KIF24: variants seen among roughly 807,000 people sequenced by gnomAD.
The protein encoded by KIF24 is kinesin family member 24.
KIF24 carries 81 observed loss-of-function variants against 118.9 expected under a neutral mutation model. That is an observed-to-expected ratio of 0.68 (90% CI 0.57 to 0.82). KIF24 has a LOEUF of 0.82. Ranked by LOEUF, KIF24 falls within the 40% of genes least tolerant of loss-of-function variation. KIF24 has a pLI of 0.00. For synonymous variants in KIF24, 599 were observed against 610.0 expected (o/e 0.98, Z 0.27); for missense variants, 1,560 against 1,661.6 (o/e 0.94, Z 1.06).
intron 6 of KIF24, among the ~76,000 whole-genome samples, chr9:34,275,514 A>G (rs1387740840): frequency 6.6e-6 from 1 of 152,014 alleles, no homozygotes; most frequent in Non-Finnish European, 1.5e-5. Context: ...CAGCCTGCGC[A>G]ACAAAGCAAG....
At chr9:34,262,791 G>C (rs1835143585) in intron 9 of KIF24, among the ~76,000 whole-genome samples, 2 of 146,636 alleles carry the variant, frequency 1.4e-5, no homozygotes, top group East Asian at 4.1e-4. Flanking sequence ...AGCCTGGGAG[G>C]CAGAGGCCAC....
chr9:34,286,713 G>T lies in KIF24; in HGVS notation c.1128-9C>A, dbSNP rs182531259. On this transcript the variant is annotated splice_polypyrimidine_tract_variant and intron_variant, in intron 5 of 12. Coordinates refer to ENST00000402558, the MANE Select transcript of KIF24 (RefSeq NM_194313.4). ...CTTCTCTTGCAAAGAGCCTGCAGAT[G>T]CAAGAAAGTGGTTGGTATGATGGTG... 4 of 1,598,862 alleles carry T rather than the reference G, an allele frequency of 2.5e-6. No homozygotes were observed. The highest frequency in any genetic ancestry group is 1.3e-5 in the African/African-American group (1 of 74,646).
At chr9:34,294,472 C>T (rs1319853642) in intron 4 of KIF24, among the ~76,000 whole-genome samples, 11 of 151,934 alleles carry the variant, frequency 7.2e-5, no homozygotes, top group African/African-American at 2.2e-4. Flanking sequence ...CACTTGAACC[C>T]GGGAAGCAGA....
chr9:34,277,243 A>T (rs1835690001), intron 6 of KIF24, among the ~76,000 whole-genome samples: 1 of 152,194 alleles, frequency 6.6e-6, no homozygotes, highest in Non-Finnish European at 1.5e-5. Flanking sequence ...AAATCCTATG[A>T]AAAGACAAGG....
intron 1 of KIF24, among the ~76,000 whole-genome samples, chr9:34,316,005 G>A (rs930942595): frequency 4.0e-5 from 6 of 149,974 alleles, no homozygotes; most frequent in Admixed American, 6.7e-5. Flanking sequence ...CTCCAACCTG[G>A]GTGACAGAGC....
chr9:34,311,767 C>CATATATATACGT (rs1554666574), intron 1 of KIF24, among the ~76,000 whole-genome samples: 2 of 145,482 alleles, frequency 1.4e-5, no homozygotes, highest in African/African-American at 5.1e-5. Context: ...TGTATATATA[C>CATATATATACGT]ATATATATAC....
chr9:34,300,373 AT>A (rs754529903), intron 3 of KIF24, among the ~76,000 whole-genome samples: 324 of 144,744 alleles, frequency 2.2e-3, no homozygotes, highest in Middle Eastern at 7.2e-3. Flanking sequence ...ATCTGGTGGT[AT>A]TTTTTTTTTT....
intron 6 of KIF24, among the ~76,000 whole-genome samples, chr9:34,283,917 G>A (rs866349587): frequency 7.9e-5 from 12 of 152,240 alleles, no homozygotes; most frequent in Admixed American, 2.6e-4. Flanking sequence ...GAAGAGCAAC[G>A]GGATTGCTCA....
intron 3 of KIF24, among the ~76,000 whole-genome samples, chr9:34,302,715 C>A (rs1016356333): frequency 2.0e-5 from 3 of 152,016 alleles, no homozygotes; most frequent in Admixed American, 6.6e-5. Flanking sequence ...GATCTGCCCC[C>A]CTCATCCTCC....
In KIF24 at chr9:34,265,064, A is replaced by C. The variant is rs77013069; in HGVS notation, c.1444-1892T>G. Among the ~76,000 whole-genome samples, 564 of 152,336 alleles carry C rather than the reference A, an allele frequency of 3.7e-3. 3 individuals are homozygous for C. The highest frequency in any genetic ancestry group is 0.013 in the African/African-American group (549 of 41,582). On this transcript the variant is annotated intron_variant, in intron 8 of 12. Transcript: ENST00000402558. The stretch of plus-strand genomic sequence containing the variant: ...ATATAGACAGAAAAATGATTTTACA[A>C]GGGGAGGAAGGTAACAAGGTTGAGA...
At chr9:34,300,131 A>T (rs1836642666) in intron 3 of KIF24, among the ~76,000 whole-genome samples, 1 of 152,208 alleles carries the variant, frequency 6.6e-6, no homozygotes, top group Non-Finnish European at 1.5e-5. Flanking sequence ...CTAAGAAGAA[A>T]GTGAGAACAC....
intron 9 of KIF24, among the ~76,000 whole-genome samples, chr9:34,262,604 C>T (rs1587914444): frequency 2.6e-5 from 3 of 117,564 alleles, no homozygotes; most frequent in African/African-American, 1.0e-4. Context: ...CTCAGGAGTT[C>T]GAGGCCAGCC....
intron 6 of KIF24, among the ~76,000 whole-genome samples, chr9:34,277,508 G>A (rs1835700579): frequency 6.6e-6 from 1 of 152,110 alleles, no homozygotes; most frequent in Non-Finnish European, 1.5e-5. Flanking sequence ...GCAAAGGGCG[G>A]CCCTGTGGTT....
chr9:34,276,849 T>G (rs1363926621), intron 6 of KIF24, among the ~76,000 whole-genome samples: 2 of 152,210 alleles, frequency 1.3e-5, no homozygotes, highest in East Asian at 3.8e-4. Flanking sequence ...TGGTAATCTC[T>G]TATACTGGAT....
chr9:34,256,667 T>C lies in KIF24; in HGVS notation c.2940A>G (p.Pro980=). 6.2e-7 allele frequency: 1 copy of C among 1,614,004 alleles called. No homozygotes were observed. Residue 980 remains proline, a synonymous_variant, in exon 11 of 13, where the codon CCA becomes CCG. Transcript: ENST00000402558. ...ATGAGATAGTGAAACCATCTTCCTC[T>C]GGGGATGGCAAGTTGCCCTCATTCT... The part of the protein sequence containing the change: ...SGENEGNLPS[P]EEDGFTISLS...
chr9:34,278,735 A>C (rs1257022242), intron 6 of KIF24, among the ~76,000 whole-genome samples: 1 of 152,152 alleles, frequency 6.6e-6, no homozygotes, highest in Admixed American at 6.5e-5. Context: ...TCCCTAACTA[A>C]ACTCTGTTGG....
At chr9:34,312,135 T>C (rs984705938) in intron 1 of KIF24, among the ~76,000 whole-genome samples, 2 of 152,292 alleles carry the variant, frequency 1.3e-5, no homozygotes, top group South Asian at 2.1e-4. Flanking sequence ...GTTAGTTAAA[T>C]AGAAGTAAAG....
chr9:34,305,598 G>T (rs1836882273), intron 3 of KIF24, among the ~76,000 whole-genome samples: 4 of 152,226 alleles, frequency 2.6e-5, no homozygotes, highest in African/African-American at 7.2e-5. Context: ...TTATTTATTT[G>T]TTTTTTATTT....
intron 8 of KIF24, among the ~76,000 whole-genome samples, chr9:34,266,732 G>A (rs1835308825): frequency 6.6e-6 from 1 of 151,010 alleles, no homozygotes; most frequent in Admixed American, 6.6e-5. Flanking sequence ...AAGACTCATT[G>A]AAGAAATGGC....
Sources: gnomAD v4.1 joint callset for allele counts (sites outside exome capture counted in the v4.1 genomes callset) on GRCh38, gnomAD v4.1.1 for gene constraint, MANE v1.5 for transcripts, NCBI Gene and HGNC (gene_info 2026-07-23, HGNC 2026-07-21) for gene names.